The following ATP6V0D2 variants were observed in gnomAD, a reference collection of about 807,000 sequenced individuals.
ATP6V0D2 encodes the protein V-type proton ATPase subunit d 2.
Under a neutral mutation model 40.0 loss-of-function variants are expected in ATP6V0D2, and 40 were observed. The observed-to-expected ratio is 1.00, with a 90% CI of 0.78 to 1.30. ATP6V0D2 has a LOEUF of 1.30. Among genes scored for constraint, ATP6V0D2 ranks in the 50% most tolerant of loss-of-function variants. The pLI is 0.00. For missense variants in ATP6V0D2, 470 were observed against 423.1 expected, an observed-to-expected ratio of 1.11 and a Z score of -0.97; for synonymous variants, 179 against 156.3, an observed-to-expected ratio of 1.15 and a Z score of -1.08.
chr8:86,134,091 A>G (rs1818864544), intron 2 of ATP6V0D2, among the ~76,000 whole-genome samples: 1 of 152,210 alleles, frequency 6.6e-6, no homozygotes, highest in South Asian at 2.1e-4. Context: ...CACCTTACCA[A>G]TAAGAGAGAA....
intron 6 of ATP6V0D2, 106 bp downstream of exon 6, chr8:86,150,394 T>C (rs1819128706): frequency 3.5e-6 from 4 of 1,145,534 alleles, no homozygotes; most frequent in East Asian, 4.8e-5. Flanking sequence ...GAAGTAATAA[T>C]ATTTGTAAGG....
At chr8:86,126,086 C>A (rs975789048) in intron 2 of ATP6V0D2, among the ~76,000 whole-genome samples, 2 of 149,574 alleles carry the variant, frequency 1.3e-5, no homozygotes, top group African/African-American at 4.9e-5. Flanking sequence ...TACAGGCATG[C>A]ACCATCATGA....
chr8:86,118,235 A>ATTTTTTT (rs148228172), intron 2 of ATP6V0D2, among the ~76,000 whole-genome samples: 1 of 81,238 alleles, frequency 1.2e-5, no homozygotes. Context: ...TAATTTTTGT[A>ATTTTTTT]TTTTTTTTTA....
intron 2 of ATP6V0D2, among the ~76,000 whole-genome samples, chr8:86,139,051 A>G (rs531914942): frequency 1.3e-5 from 2 of 152,218 alleles, no homozygotes; most frequent in African/African-American, 4.8e-5. Context: ...AACACAGTGA[A>G]ACCCTGTATC....
chr8:86,115,714 C>T (rs1012263679), intron 2 of ATP6V0D2, among the ~76,000 whole-genome samples: 7 of 152,032 alleles, frequency 4.6e-5, no homozygotes, highest in African/African-American at 1.7e-4. Flanking sequence ...TATCTCTGCC[C>T]TTCAGTCCAG....
chr8:86,151,422 T>C, intron 6 of ATP6V0D2, 44 bp from the exon 7 acceptor site: 2 of 1,291,926 alleles, frequency 1.5e-6, no homozygotes, highest in Non-Finnish European at 2.2e-6. Flanking sequence ...TATACATTTA[T>C]AAGAAATGAA....
intron 1 of ATP6V0D2, among the ~76,000 whole-genome samples, chr8:86,109,237 T>C (rs1176102090): frequency 6.6e-6 from 1 of 152,202 alleles, no homozygotes; most frequent in African/African-American, 2.4e-5. Context: ...CCTTCCAAAT[T>C]TATTTTACCA....
At chr8:86,114,468 G>A (rs1182648179) in intron 2 of ATP6V0D2, among the ~76,000 whole-genome samples, 2 of 152,186 alleles carry the variant, frequency 1.3e-5, no homozygotes, top group South Asian at 2.1e-4. Flanking sequence ...TCAGGAATTC[G>A]AGACCAGCCT....
At position 86,113,874 on chromosome 8, in the gene ATP6V0D2, A is replaced by G. The variant is rs767516067; in HGVS notation, c.296A>G (p.Tyr99Cys). 6.8e-6 allele frequency: 11 copies of G among 1,610,646 alleles called. No individual in the cohort carries two copies. The highest frequency in any genetic ancestry group is 3.4e-5 in the Admixed American group (2 of 59,418). Residue 99 changes from tyrosine to cysteine, a missense_variant, in exon 2 of 8, where the codon TAT (tyrosine) becomes TGT (cysteine). Coordinates refer to ENST00000285393, the MANE Select transcript of ATP6V0D2 (RefSeq NM_152565.1). ...SLEPLSTFLT[Y>C]MTCSYMIDNV... ...GAGCCCCTCAGCACATTTCTCACCT[A>G]TATGACGTAAGTGATGACAGAAAGC...
chr8:86,099,334 A>G (rs1336058325), intron 1 of ATP6V0D2, among the ~76,000 whole-genome samples: 1 of 152,136 alleles, frequency 6.6e-6, no homozygotes, highest in Non-Finnish European at 1.5e-5. Flanking sequence ...TTCATTACTA[A>G]TGTAGGCAAC....
intron 2 of ATP6V0D2, among the ~76,000 whole-genome samples, chr8:86,121,425 C>T (rs958714644): frequency 9.2e-5 from 14 of 152,104 alleles, no homozygotes; most frequent in Admixed American, 7.2e-4. Context: ...CAAAAATTAG[C>T]CAGGTGTGGG....
chr8:86,121,596 G>C (rs1203823743), intron 2 of ATP6V0D2, among the ~76,000 whole-genome samples: 1 of 126,110 alleles, frequency 7.9e-6, no homozygotes, highest in African/African-American at 2.7e-5. Context: ...GGAGGAGGAG[G>C]AGGAGGAGGA....
At chr8:86,115,357 C>CTTTTTTTT (rs1586088786) in intron 2 of ATP6V0D2, among the ~76,000 whole-genome samples, 2 of 79,498 alleles carry the variant, frequency 2.5e-5, no homozygotes, top group African/African-American at 6.0e-5. Context: ...CCGTATCATC[C>CTTTTTTTT]ATTTTTTTTT....
At chr8:86,104,824 T>A (rs1431831320) in intron 1 of ATP6V0D2, among the ~76,000 whole-genome samples, 2 of 145,316 alleles carry the variant, frequency 1.4e-5, no homozygotes, top group Admixed American at 1.4e-4. Flanking sequence ...AAAAGACATA[T>A]CCAATTCTCT....
At chr8:86,114,600 G>A (rs1034613096) in intron 2 of ATP6V0D2, among the ~76,000 whole-genome samples, 1 of 152,218 alleles carries the variant, frequency 6.6e-6, no homozygotes, top group Non-Finnish European at 1.5e-5. Flanking sequence ...AAGCCGGGAG[G>A]CGGAGGTTGC....
chr8:86,145,251 G>GAA lies in ATP6V0D2; in HGVS notation c.639+2298_639+2299insAA, dbSNP rs1378380771. Among the ~76,000 whole-genome samples the GAA allele has an allele frequency of 1.8e-4, 7 of 39,706 alleles. No homozygotes were observed. The East Asian group carries it at 1.9e-3, about 11-fold the overall frequency. The allele number at this position is 39,706 out of a possible 152,430, so 26.0% of individuals were successfully genotyped here. A position where few individuals can be genotyped will look rare whatever the true frequency, so the allele number is the denominator to read the frequency against. On this transcript the variant is annotated intron_variant, in intron 5 of 7. Transcript: ENST00000285393. The stretch of plus-strand genomic sequence containing the variant: ...AGAAAGAAAGAGAGAGAGAGAGAGA[G>GAA]AGAGAGAAAGAAAGAAAGAAAGAAA...
At chr8:86,147,796 G>C (rs865963088) in intron 5 of ATP6V0D2, among the ~76,000 whole-genome samples, 1 of 152,200 alleles carries the variant, frequency 6.6e-6, no homozygotes, top group Non-Finnish European at 1.5e-5. Context: ...GAGGATTTCA[G>C]CATGCAGAGT....
In ATP6V0D2 at chr8:86,113,607, ATATG is replaced by A. The variant is rs1818553765; in HGVS notation, c.131-95_131-92del. The A allele has an allele frequency of 4.1e-6, 4 of 983,882 alleles. No individual in the cohort carries two copies. In the African/African-American group the frequency reaches 4.9e-5, roughly 12 times the overall value. 60.9% of individuals were successfully genotyped at this position (983,882 alleles called of 1,614,324 possible). A position where few individuals can be genotyped will look rare whatever the true frequency, so the allele number is the denominator to read the frequency against. ...ATATTAAAATCTAATAAGATAATAC[ATATG>A]TATGTAACACAAAATTAGCATGAAT... On this transcript the variant is annotated intron_variant, in intron 1 of 7. Coordinates refer to ENST00000285393, the MANE Select transcript of ATP6V0D2 (RefSeq NM_152565.1).
chr8:86,151,396 A>G (rs1211194390), intron 6 of ATP6V0D2, 70 bp from the exon 7 acceptor site: 5 of 1,070,144 alleles, frequency 4.7e-6, no homozygotes, highest in Admixed American at 3.0e-5. Flanking sequence ...CTATAATGCT[A>G]GGAAAAATAT....
Sources: gnomAD v4.1 joint callset for allele counts (sites outside exome capture counted in the v4.1 genomes callset) on GRCh38, gnomAD v4.1.1 for gene constraint, MANE v1.5 for transcripts, NCBI Gene and HGNC (gene_info 2026-07-23, HGNC 2026-07-21) for gene names.